The following DACH2 variants were observed in gnomAD, a reference collection of about 807,000 sequenced individuals.
The protein encoded by DACH2 is dachshund homolog 2.
DACH2 carries 17 observed loss-of-function variants against 35.8 expected under a neutral mutation model. That is an observed-to-expected ratio of 0.48 (90% CI 0.33 to 0.71). The LOEUF is 0.71. Among genes scored for constraint, DACH2 ranks in the 30% least tolerant of loss-of-function variants. The probability of loss-of-function intolerance (pLI) is 0.02; values close to 1 mark genes in which losing one functional copy is unlikely to be tolerated. For missense variants in DACH2, 469 were observed against 472.7 expected, an observed-to-expected ratio of 0.99 and a Z score of 0.07; for synonymous variants, 195 against 177.3, an observed-to-expected ratio of 1.10 and a Z score of -0.79.
intron 3 of DACH2, among the ~76,000 whole-genome samples, chrX:86,555,404 G>A (rs1219508412): frequency 9.0e-6 from 1 of 111,353 alleles, no homozygotes; most frequent in African/African-American, 3.3e-5. Context: ...AGGTCCTAGT[G>A]CTATGTACGC....
intron 3 of DACH2, among the ~76,000 whole-genome samples, chrX:86,584,021 T>A (rs2039536983): frequency 9.0e-6 from 1 of 111,295 alleles, no homozygotes; most frequent in African/African-American, 3.3e-5. Context: ...TATTTAAATG[T>A]TGAATATTAA....
intron 2 of DACH2, among the ~76,000 whole-genome samples, chrX:86,507,250 A>G (rs1488535378): frequency 9.0e-6 from 1 of 111,219 alleles, no homozygotes; most frequent in Non-Finnish European, 1.9e-5. Context: ...ATTGCCATTC[A>G]AACTTGAAAT....
intron 3 of DACH2, among the ~76,000 whole-genome samples, chrX:86,520,063 A>C (rs2038529804): frequency 9.0e-6 from 1 of 111,299 alleles, no homozygotes. Flanking sequence ...TTTCCTCTTA[A>C]TACCGCCTTA....
intron 9 of DACH2, 89 bp from the exon 10 acceptor site, chrX:86,814,599 C>G: frequency 2.2e-6 from 2 of 896,355 alleles, no homozygotes; most frequent in Non-Finnish European, 3.1e-6. Flanking sequence ...CTCTCTTTAT[C>G]TATACTTATA....
intron 3 of DACH2, among the ~76,000 whole-genome samples, chrX:86,542,559 C>T (rs1270639553): frequency 9.0e-6 from 1 of 111,439 alleles, no homozygotes; most frequent in African/African-American, 3.3e-5. Context: ...CTGTGCCATG[C>T]CCCTTGAACA....
At chrX:86,241,051 T>TA (rs1239444964) in intron 1 of DACH2, among the ~76,000 whole-genome samples, 1 of 111,444 alleles carries the variant, frequency 9.0e-6, no homozygotes, top group Non-Finnish European at 1.9e-5. Context: ...AATGGACTAA[T>TA]AAAAAAATTG....
chrX:86,809,932 A>G (rs184528397), intron 7 of DACH2, among the ~76,000 whole-genome samples: 130 of 110,984 alleles, frequency 1.2e-3, no homozygotes, highest in African/African-American at 4.1e-3. Context: ...ATCAAAATGA[A>G]TCATTGCCTG....
At chrX:86,675,752 T>A (rs957181059) in intron 4 of DACH2, among the ~76,000 whole-genome samples, 31 of 111,123 alleles carry the variant, frequency 2.8e-4, no homozygotes, top group Non-Finnish European at 5.5e-4. Flanking sequence ...TAAGAGTTTT[T>A]TTTTCTTTTT....
At chrX:86,189,582 C>G (rs1463036330) in intron 1 of DACH2, among the ~76,000 whole-genome samples, 3 of 111,111 alleles carry the variant, frequency 2.7e-5, no homozygotes, top group Non-Finnish European at 5.7e-5. Context: ...GTTGAAGGCC[C>G]TGAAGTAGGG....
chrX:86,705,609 G>A (rs1428891047), intron 5 of DACH2, among the ~76,000 whole-genome samples: 1 of 111,463 alleles, frequency 9.0e-6, no homozygotes, highest in Non-Finnish European at 1.9e-5. Flanking sequence ...TGGCCTGGGT[G>A]TAATGAAAGA....
intron 1 of DACH2, among the ~76,000 whole-genome samples, chrX:86,279,866 A>C (rs1265740948): frequency 9.2e-6 from 1 of 108,874 alleles, no homozygotes; most frequent in African/African-American, 3.3e-5. Flanking sequence ...GAACTTTGTG[A>C]AGCATACACA....
chrX:86,591,446 A>G (rs1187760929), intron 3 of DACH2, among the ~76,000 whole-genome samples: 1 of 111,436 alleles, frequency 9.0e-6, no homozygotes, highest in Non-Finnish European at 1.9e-5. Flanking sequence ...CCAACATTAC[A>G]ATTTTTTAAT....
At chrX:86,494,754 A>G (rs1041470188) in intron 2 of DACH2, among the ~76,000 whole-genome samples, 4 of 112,239 alleles carry the variant, frequency 3.6e-5, no homozygotes, top group African/African-American at 1.3e-4. Context: ...CTCTTATTTT[A>G]TGTCAATGAC....
At chrX:86,334,957 A>T (rs137868641) in intron 1 of DACH2, among the ~76,000 whole-genome samples, 2 of 112,293 alleles carry the variant, frequency 1.8e-5, no homozygotes, top group African/African-American at 6.5e-5. Context: ...GAAGGGGTCC[A>T]GTTTCAGTTT....
At chrX:86,567,904 A>G (rs1175531368) in intron 3 of DACH2, among the ~76,000 whole-genome samples, 1 of 111,890 alleles carries the variant, frequency 8.9e-6, no homozygotes, top group Non-Finnish European at 1.9e-5. Context: ...AAAGCAACCA[A>G]GATATTCTGC....
intron 3 of DACH2, among the ~76,000 whole-genome samples, chrX:86,645,282 C>T (rs779164947): frequency 1.8e-5 from 2 of 111,261 alleles, no homozygotes; most frequent in Admixed American, 9.6e-5. Context: ...CAAAAGAAGA[C>T]CTACATGCAG....
At chrX:86,725,974 G>C (rs2041464599) in intron 6 of DACH2, among the ~76,000 whole-genome samples, 1 of 111,328 alleles carries the variant, frequency 9.0e-6, no homozygotes, top group African/African-American at 3.3e-5. Context: ...GCATGCTTGA[G>C]TGTTGGGGAT....
intron 3 of DACH2, among the ~76,000 whole-genome samples, chrX:86,542,342 G>T (rs1023384210): frequency 3.6e-5 from 4 of 111,537 alleles, no homozygotes; most frequent in South Asian, 3.7e-4. Flanking sequence ...ATGGATTGGT[G>T]CCCTTCCCAT....
chrX:86,388,961 C>A (rs754377540), intron 2 of DACH2, among the ~76,000 whole-genome samples: 5 of 111,139 alleles, frequency 4.5e-5, no homozygotes, highest in Non-Finnish European at 7.5e-5. Context: ...AAAATACAGA[C>A]TTTAAGGCTT....
Sources: gnomAD v4.1 joint callset for allele counts (sites outside exome capture counted in the v4.1 genomes callset) on GRCh38, gnomAD v4.1.1 for gene constraint, MANE v1.5 for transcripts, NCBI Gene and HGNC (gene_info 2026-07-23, HGNC 2026-07-21) for gene names.